F10: variants seen among roughly 807,000 people sequenced by gnomAD.
F10 encodes Stuart-Prower factor.
Under a neutral mutation model 37.1 loss-of-function variants are expected in F10, and 29 were observed. That is an observed-to-expected ratio of 0.78 (90% CI 0.58 to 1.07). The LOEUF is 1.07. Among genes scored for constraint, F10 ranks in the 50% least tolerant of loss-of-function variants. The probability of loss-of-function intolerance (pLI) is 0.00; values close to 1 mark genes in which losing one functional copy is unlikely to be tolerated. For missense variants in F10, 539 were observed against 667.9 expected, an observed-to-expected ratio of 0.81 and a Z score of 2.13; for synonymous variants, 262 against 268.6, an observed-to-expected ratio of 0.98 and a Z score of 0.24.
chr13:113,140,485 C>A (rs1278337040), intron 4 of F10: 1 of 473,622 alleles, frequency 2.1e-6, no homozygotes, highest in African/African-American at 2.0e-5. Context: ...CAGTCGCCTC[C>A]CTGGAACACC....
intron 7 of F10, among the ~76,000 whole-genome samples, chr13:113,148,168 A>G (rs1330604052): frequency 1.3e-5 from 2 of 151,574 alleles, no homozygotes; most frequent in East Asian, 1.9e-4. Flanking sequence ...CATCTCTACT[A>G]AAAAATACAA....
In F10 at chr13:113,139,867, G is replaced by T. The variant is rs2036511284; in HGVS notation, c.370+397G>T. On this transcript the variant is annotated intron_variant, in intron 4 of 7. Coordinates refer to ENST00000375559, the MANE Select transcript of F10 (RefSeq NM_000504.4). The surrounding 1 kb of genome is among the most constrained non-coding windows in gnomAD (Gnocchi z 5.2). ...ATTCTAAATCACCTCTTATTTATGT[G>T]TATGGATGCAGGTGTCAATATTTGT... Among the ~76,000 whole-genome samples the T allele has an allele frequency of 6.6e-6, 1 of 152,102 alleles. No individual in the cohort carries two copies. Among genetic ancestry groups the T allele is most frequent in the Non-Finnish European group, 1.5e-5 (1 of 68,020 alleles).
At chr13:113,137,381 G>T (rs1049116817) in intron 2 of F10, among the ~76,000 whole-genome samples, 2 of 152,088 alleles carry the variant, frequency 1.3e-5, no homozygotes, top group African/African-American at 4.8e-5. Context: ...GGGTATTTGG[G>T]GGGGAAGGAT....
intron 6 of F10, among the ~76,000 whole-genome samples, chr13:113,145,019 CA>C (rs1210914537): frequency 2.0e-5 from 3 of 152,154 alleles, no homozygotes; most frequent in Admixed American, 6.5e-5. Flanking sequence ...GCTGGGACTA[CA>C]GGCGCCTGCC....
intron 1 of F10, among the ~76,000 whole-genome samples, chr13:113,127,840 G>A (rs2036384984): frequency 6.6e-6 from 1 of 152,190 alleles, no homozygotes; most frequent in Admixed American, 6.5e-5. Context: ...AGACCTTAAA[G>A]ACGAGTGGGG....
At chr13:113,140,070 C>T (rs1011012356) in intron 4 of F10, among the ~76,000 whole-genome samples, 3 of 124,684 alleles carry the variant, frequency 2.4e-5, no homozygotes, top group African/African-American at 8.1e-5. Flanking sequence ...CTTAATTGAT[C>T]ATCTTTTTTT....
chr13:113,140,354 T>A (rs937881701), intron 4 of F10, among the ~76,000 whole-genome samples: 1 of 152,178 alleles, frequency 6.6e-6, no homozygotes, highest in Non-Finnish European at 1.5e-5. Context: ...GTGCTGGGAT[T>A]ACAGGCGTGA....
rs762601543 is a variant in F10 at position 113,141,041 on chromosome 13, A to G, written c.493A>G (p.Ile165Val). Reference protein sequence around the residue: ...YTLADNGKACIPTGPYPCGKQ... With the variant: ...YTLADNGKACVPTGPYPCGKQ... ...CCTGGCTGACAACGGCAAGGCCTGC[A>G]TTCCCACAGGTAGGAGGCACGTTGG... The change falls in exon 5 of 8, where the codon ATT becomes GTT. Residue 165 changes from isoleucine (I) to valine (V), a missense_variant. By Grantham distance (29) the Ile-to-Val change is conservative. Around this residue, in one of 2 missense-constraint regions of F10, gnomAD observed 409 missense variants for 547.9 expected, o/e 0.75. Transcript: ENST00000375559. This position sits in a 1 kb window ranked among gnomAD's most constrained non-coding sequence, Gnocchi z 5.4. 3 of 1,613,656 alleles carry G rather than the reference A, an allele frequency of 1.9e-6. No individual in the cohort carries two copies. The highest frequency in any genetic ancestry group is 1.1e-5 in the South Asian group (1 of 91,088).
Position 113,143,967 on chromosome 13 carries a change from G to A in F10, c.619G>A (p.Asp207Asn), listed in dbSNP as rs753682438. 22 of 1,613,282 alleles carry A rather than the reference G, an allele frequency of 1.4e-5. No individual in the cohort carries two copies. The highest frequency in any genetic ancestry group is 3.3e-5 in the Admixed American group (2 of 59,986). ...CACATGGAAGCCATATGATGCAGCC[G>A]ACCTGGACCCCACCGAGAACCCCTT... ...SITWKPYDAA[D>N]LDPTENPFDL... The change falls in exon 6 of 8, where the codon GAC becomes AAC. Residue 207 changes from aspartate (D) to asparagine (N), a missense_variant. This residue lies in a region of F10 where 409 missense variants were observed against 547.9 expected (regional missense o/e 0.75). Coordinates refer to ENST00000375559, the MANE Select transcript of F10 (RefSeq NM_000504.4). The surrounding 1 kb of genome is among the most constrained non-coding windows in gnomAD (Gnocchi z 6.8).
Position 113,149,050 on chromosome 13 carries a change from T to A in F10, c.1000T>A (p.Phe334Ile). 6.2e-7 allele frequency: 1 copy of A among 1,613,386 alleles called. No homozygotes were observed. Among genetic ancestry groups the A allele is most frequent in the Non-Finnish European group, 8.5e-7 (1 of 1,180,016 alleles). ...GCTCCGGCTCAAGACCCCCATCACC[T>A]TCCGCATGAACGTGGCGCCTGCCTG... is the stretch of plus-strand genomic sequence containing the variant. ...AVLRLKTPIT[F>I]RMNVAPACLP... The change falls in exon 8 of 8, where the codon TTC (phenylalanine) becomes ATC (isoleucine). Residue 334 changes from phenylalanine to isoleucine, a missense_variant. By Grantham distance (21) the Phe-to-Ile change is conservative (BLOSUM62 0). Around this residue, in one of 2 missense-constraint regions of F10, gnomAD observed 409 missense variants for 547.9 expected, o/e 0.75. Coordinates refer to ENST00000375559, the MANE Select transcript of F10 (RefSeq NM_000504.4). The surrounding 1 kb of genome is among the most constrained non-coding windows in gnomAD (Gnocchi z 7.5).
rs867986656 is a variant in F10, at chr13:113,142,513, C to T, written c.503-1338C>T. 2.9e-4 allele frequency among the ~76,000 whole-genome samples: 40 copies of T among 139,062 alleles called. 5 individuals are homozygous for T. The highest frequency in any genetic ancestry group is 4.0e-3 in the Middle Eastern group (1 of 252). 91.2% of individuals were successfully genotyped at this position (139,062 alleles called of 152,430 possible). The stretch of plus-strand genomic sequence containing the variant: ...TGCACTGAGCACTGAGCCGAGATTG[C>T]GCCACTGCGCTCCAGCCTGGGCAAC... On this transcript the variant is annotated intron_variant, in intron 5 of 7. Coordinates refer to ENST00000375559, the MANE Select transcript of F10 (RefSeq NM_000504.4).
intron 2 of F10, among the ~76,000 whole-genome samples, chr13:113,135,572 T>C (rs2036471547): frequency 6.6e-6 from 1 of 152,230 alleles, no homozygotes; most frequent in African/African-American, 2.4e-5. Context: ...GGGCAGAGCC[T>C]TCATGGCCTA....
chr13:113,127,004 TAATA>T (rs1040195762), intron 1 of F10, among the ~76,000 whole-genome samples: 1 of 152,092 alleles, frequency 6.6e-6, no homozygotes, highest in African/African-American at 2.4e-5. Flanking sequence ...GGTCAAGAAA[TAATA>T]AATCTAAGTC....
At chr13:113,140,716 C>T (rs1356755392) in intron 4 of F10, 13 of 756,692 alleles carry the variant, frequency 1.7e-5, no homozygotes, top group South Asian at 2.9e-5. Flanking sequence ...CTTCTGGCTA[C>T]ACCGGGCACT....
At chr13:113,142,145 T>C (rs1366876223) in intron 5 of F10, among the ~76,000 whole-genome samples, 1 of 152,222 alleles carries the variant, frequency 6.6e-6, no homozygotes, top group African/African-American at 2.4e-5. Context: ...CTACTGGCAA[T>C]GACATTCAAG....
At chr13:113,129,900 A>G (rs2036413492) in intron 2 of F10, 1 of 451,468 alleles carries the variant, frequency 2.2e-6, no homozygotes, top group Non-Finnish European at 4.1e-6. Context: ...TCTATTTAAA[A>G]ATAAAATGTT....
rs955436351 is a variant in F10 at position 113,129,327 on chromosome 13, C to T, written c.71-125C>T. 1.3e-5 allele frequency: 16 copies of T among 1,260,848 alleles called. 1 individual carries two copies. In the Admixed American group the frequency reaches 2.2e-4, roughly 18 times the overall value. The allele number at this position is 1,260,848 out of a possible 1,614,324, so 78.1% of individuals were successfully genotyped here. The stretch of plus-strand genomic sequence containing the variant: ...GGCTTAGAATTTTATTTTTGGTTTA[C>T]AAGAGAGTGATCCGCCTTTTGTGAT... On this transcript the variant is annotated intron_variant, in intron 1 of 7. Transcript: ENST00000375559.
In F10 at chr13:113,143,699, ACGT is replaced by A; in HGVS notation, c.503-151_503-149del. On this transcript the variant is annotated intron_variant, in intron 5 of 7. Transcript: ENST00000375559. The surrounding 1 kb of genome is among the most constrained non-coding windows in gnomAD (Gnocchi z 6.8). ...CCTGCAGATCCGACCCCTGCCGACG[ACGT>A]GGGGCCTCGCCCTGCAAGCCCGCTG... The A allele has an allele frequency of 2.1e-5, 25 of 1,203,490 alleles. No homozygotes were observed. Among genetic ancestry groups the A allele is most frequent in the Admixed American group, 1.7e-4 (8 of 46,642 alleles). The allele number at this position is 1,203,490 out of a possible 1,614,324, so 74.6% of individuals were successfully genotyped here.
At position 113,140,974 on chromosome 13, in the gene F10, G is replaced by A. The variant is rs144824590; in HGVS notation, c.426G>A (p.Glu142=). Residue 142 remains glutamate, a synonymous_variant, in exon 5 of 8, where the codon GAG becomes GAA. Transcript: ENST00000375559. ...DNGDCDQFCH[E]EQNSVVCSCA... is the part of the protein sequence containing the mutation. ...GGGACTGTGACCAGTTCTGCCACGAGGAACAGAACTCTGTGGTGTGCTCCT... is the reference window on the plus strand; with the variant it reads ...GGGACTGTGACCAGTTCTGCCACGAAGAACAGAACTCTGTGGTGTGCTCCT... The A allele has an allele frequency of 2.5e-6, 4 of 1,614,044 alleles. No homozygotes were observed. Among genetic ancestry groups the A allele is most frequent in the African/African-American group, 2.7e-5 (2 of 74,948 alleles).
Sources: allele counts gnomAD v4.1 joint callset (sites outside exome capture counted in the v4.1 genomes callset), GRCh38; gene constraint gnomAD v4.1.1; regional missense constraint gnomAD v4.1.1; non-coding constraint Gnocchi (gnomAD v3.1); transcripts MANE v1.5; gene names NCBI Gene and HGNC (gene_info 2026-07-23, HGNC 2026-07-21).